The following CD38 variants were observed in gnomAD, a reference collection of about 807,000 sequenced individuals.
CD38 encodes ADP-ribosyl cyclase/cyclic ADP-ribose hydrolase 1.
CD38 carries 31 observed loss-of-function variants against 36.3 expected under a neutral mutation model. The observed-to-expected ratio is 0.85, with a 90% CI of 0.64 to 1.15. The LOEUF is 1.15. CD38 is among the 50% of genes most tolerant of loss of function. CD38 has a pLI of 0.00. For synonymous variants in CD38, 131 were observed against 135.2 expected, an observed-to-expected ratio of 0.97 and a Z score of 0.22; for missense variants, 380 against 371.9, an observed-to-expected ratio of 1.02 and a Z score of -0.18.
chr4:15,841,395 C>T (rs1443679288), intron 7 of CD38, among the ~76,000 whole-genome samples: 1 of 152,218 alleles, frequency 6.6e-6, no homozygotes, highest in Non-Finnish European at 1.5e-5. Flanking sequence ...GGAGACTCTA[C>T]TGATGGCTTT....
At chr4:15,784,599 C>T (rs755451440) in intron 1 of CD38, among the ~76,000 whole-genome samples, 1 of 152,032 alleles carries the variant, frequency 6.6e-6, no homozygotes, top group African/African-American at 2.4e-5. Flanking sequence ...CATGTTTTTC[C>T]CCTGGAGTGA....
At chr4:15,812,478 A>T (rs2148921252) in intron 1 of CD38, among the ~76,000 whole-genome samples, 1 of 152,258 alleles carries the variant, frequency 6.6e-6, no homozygotes, top group East Asian at 1.9e-4. Context: ...CGGGTGGATC[A>T]CGAGCTCAGA....
In CD38 at chr4:15,823,806, T is replaced by C. The variant is rs552324344; in HGVS notation, c.364-1075T>C. On this transcript the variant is annotated intron_variant, in intron 2 of 7. Transcript: ENST00000226279. The stretch of plus-strand genomic sequence containing the variant: ...AATACCGTTTGACCCAGCAATCCCA[T>C]TACTGGGTATAATAGAAATCATTCT... Among the ~76,000 whole-genome samples the C allele has an allele frequency of 3.9e-5, 6 of 152,262 alleles. No homozygotes were observed. The South Asian group carries it at 1.2e-3, about 32-fold the overall frequency.
chr4:15,781,339 T>C (rs183561875), intron 1 of CD38, among the ~76,000 whole-genome samples: 132 of 152,366 alleles, frequency 8.7e-4, no homozygotes, highest in African/African-American at 3.1e-3. Flanking sequence ...TCTCCTCTCC[T>C]GCCTGTCACA....
intron 1 of CD38, among the ~76,000 whole-genome samples, chr4:15,785,110 G>A (rs751157013): frequency 1.3e-5 from 2 of 151,978 alleles, no homozygotes; most frequent in Non-Finnish European, 2.9e-5. Context: ...AAGGGGAAGT[G>A]AAACAGGCCT....
At chr4:15,817,790 A>C (rs1039593097) in intron 2 of CD38, among the ~76,000 whole-genome samples, 2 of 152,116 alleles carry the variant, frequency 1.3e-5, no homozygotes, top group Middle Eastern at 3.2e-3. Flanking sequence ...AGATGGCTGA[A>C]TAGGAACAGC....
intron 7 of CD38, 69 bp from the exon 8 acceptor site, chr4:15,848,470 C>T (rs1019891485): frequency 1.7e-6 from 2 of 1,159,898 alleles, no homozygotes; most frequent in South Asian, 1.3e-5. Context: ...GGGGCTTCCT[C>T]CATTAGCGAA....
rs545629456 is a variant in CD38 at position 15,848,944 on chromosome 4, A to G, written c.*342A>G. On this transcript the variant is annotated 3_prime_UTR_variant, in exon 8 of 8. Transcript: ENST00000226279. ...AAAATCACCACACCAAACCTCTCTTATTAGAACAGGCAAGTGAAGAAAAGT... is the reference window on the plus strand; with the variant it reads ...AAAATCACCACACCAAACCTCTCTTGTTAGAACAGGCAAGTGAAGAAAAGT... The G allele has an allele frequency of 5.6e-6, 1 of 178,076 alleles. No homozygotes were observed. The highest frequency in any genetic ancestry group is 1.8e-4 in the South Asian group (1 of 5,696). 11.0% of individuals were successfully genotyped at this position (178,076 alleles called of 1,614,324 possible).
intron 1 of CD38, among the ~76,000 whole-genome samples, chr4:15,784,481 T>C (rs1027967524): frequency 6.6e-6 from 1 of 152,158 alleles, no homozygotes; most frequent in African/African-American, 2.4e-5. Context: ...TTGGGGAGGA[T>C]TCTGCTGGTG....
Position 15,824,935 on chromosome 4 carries a change from C to A in CD38, c.418C>A (p.Arg140=), listed in dbSNP as rs1800561. ...DLAHQFTQVQ[R]DMFTLEDTLL... ...GGCCCATCAGTTCACACAGGTCCAG[C>A]GGGACATGTTCACCCTGGAGGACAC... Residue 140 remains arginine (R), a synonymous_variant, in exon 3 of 8, where the codon CGG becomes AGG. Transcript: ENST00000226279. The A allele has an allele frequency of 4.3e-6, 7 of 1,613,506 alleles. No homozygotes were observed. The highest frequency in any genetic ancestry group is 4.5e-5 in the East Asian group (2 of 44,868).
At chr4:15,842,219 G>A (rs1182749778) in intron 7 of CD38, among the ~76,000 whole-genome samples, 2 of 116,100 alleles carry the variant, frequency 1.7e-5, no homozygotes, top group South Asian at 3.0e-4. Context: ...ATCTGAGAAC[G>A]GGCAGACTGC....
chr4:15,786,226 TC>T (rs1042160188), intron 1 of CD38, among the ~76,000 whole-genome samples: 2 of 152,110 alleles, frequency 1.3e-5, no homozygotes, highest in African/African-American at 4.8e-5. Context: ...CAGTGTTGGC[TC>T]CCCCCAGCCT....
intron 1 of CD38, among the ~76,000 whole-genome samples, chr4:15,800,295 T>G (rs4508877): frequency 0.14 from 20,897 of 152,132 alleles, 2,668 homozygotes; most frequent in African/African-American, 0.33. Flanking sequence ...CACATACTGT[T>G]TTATTTCTCT....
chr4:15,800,582 T>C (rs1251365607), intron 1 of CD38, among the ~76,000 whole-genome samples: 1 of 152,218 alleles, frequency 6.6e-6, no homozygotes, highest in Admixed American at 6.5e-5. Context: ...CATAGGCTTT[T>C]TGAAGTATGT....
At chr4:15,799,197 A>G (rs564346672) in intron 1 of CD38, among the ~76,000 whole-genome samples, 2 of 152,202 alleles carry the variant, frequency 1.3e-5, no homozygotes, top group Non-Finnish European at 2.9e-5. Flanking sequence ...GTGTGGTGAA[A>G]TTAGGAAGCC....
intron 3 of CD38, chr4:15,825,453 ATTCG>A (rs1723826612): frequency 6.2e-6 from 1 of 162,248 alleles, no homozygotes; most frequent in Admixed American, 6.1e-5. Flanking sequence ...GCACCATGCC[ATTCG>A]TGCAGGATCA....
At chr4:15,827,944 G>A (rs1723884505) in intron 3 of CD38, among the ~76,000 whole-genome samples, 1 of 151,904 alleles carries the variant, frequency 6.6e-6, no homozygotes, top group Non-Finnish European at 1.5e-5. Context: ...GTATTTGTGG[G>A]GTGAAAAATG....
At chr4:15,823,733 A>G (rs962707906) in intron 2 of CD38, among the ~76,000 whole-genome samples, 1 of 152,244 alleles carries the variant, frequency 6.6e-6, no homozygotes, top group Non-Finnish European at 1.5e-5. Context: ...AATTAGTTCA[A>G]CCATTGTGGA....
At chr4:15,782,510 T>C (rs187228384) in intron 1 of CD38, among the ~76,000 whole-genome samples, 55 of 152,352 alleles carry the variant, frequency 3.6e-4, no homozygotes, top group Middle Eastern at 6.8e-3. Flanking sequence ...GACTTTTGTT[T>C]AATGATATAT....
Sources: gnomAD v4.1 joint callset for allele counts (sites outside exome capture counted in the v4.1 genomes callset) on GRCh38, gnomAD v4.1.1 for gene constraint, MANE v1.5 for transcripts, NCBI Gene and HGNC (gene_info 2026-07-23, HGNC 2026-07-21) for gene names.